The following FHIP2A variants were observed in gnomAD, a reference collection of about 807,000 sequenced individuals.
The protein encoded by FHIP2A is FHF complex subunit HOOK interacting protein 2A, also known as family with sequence similarity 160 member B1.
Under a neutral mutation model 93.5 loss-of-function variants are expected in FHIP2A, and 46 were observed. That is an observed-to-expected ratio of 0.49 (90% CI 0.39 to 0.63). The LOEUF (loss-of-function observed/expected upper bound fraction) is 0.63. FHIP2A is among the 20% of genes least tolerant of loss of function. The pLI is 0.00. For missense variants in FHIP2A, 769 were observed against 909.7 expected (o/e 0.85, Z 1.99); for synonymous variants, 332 against 326.5 (o/e 1.02, Z -0.18).
At chr10:114,894,695 T>A (rs2083991953) in intron 16 of FHIP2A, among the ~76,000 whole-genome samples, 1 of 152,210 alleles carries the variant, frequency 6.6e-6, no homozygotes, top group African/African-American at 2.4e-5. Flanking sequence ...TGTTCAAAGC[T>A]TATTATTAGT....
intron 12 of FHIP2A, among the ~76,000 whole-genome samples, chr10:114,848,096 G>A (rs1385148293): frequency 3.3e-5 from 5 of 151,970 alleles, no homozygotes; most frequent in Non-Finnish European, 7.4e-5. Context: ...GTTAGTTCGT[G>A]GTTTTATGTT....
chr10:114,855,411 G>T, intron 14 of FHIP2A, 71 bp downstream of exon 14: 1 of 1,275,106 alleles, frequency 7.8e-7, no homozygotes. Context: ...TCAAGTCTTA[G>T]TAGATCTTCA....
chr10:114,835,997 T>G (rs1347105387), intron 4 of FHIP2A, 127 bp from the exon 5 acceptor site: 1 of 627,208 alleles, frequency 1.6e-6, no homozygotes, highest in Non-Finnish European at 2.6e-6. Flanking sequence ...TCATTAGTGT[T>G]CTGATTAATG....
downstream of FHIP2A, among the ~76,000 whole-genome samples, chr10:114,868,626 C>T (rs962910044): frequency 1.3e-5 from 2 of 151,986 alleles, no homozygotes; most frequent in Non-Finnish European, 1.5e-5. Context: ...AGAACCACAA[C>T]CTTACATGAA....
chr10:114,884,650 C>T (rs541204738), intron 16 of FHIP2A, among the ~76,000 whole-genome samples: 165 of 152,094 alleles, frequency 1.1e-3, no homozygotes, highest in African/African-American at 3.5e-3. Context: ...CGGTGGCTCA[C>T]GCCTGTAATC....
At chr10:114,884,999 A>G (rs1157742119) in intron 16 of FHIP2A, among the ~76,000 whole-genome samples, 2 of 152,022 alleles carry the variant, frequency 1.3e-5, no homozygotes. Flanking sequence ...AGCTGCCATT[A>G]TCATCATTTT....
chr10:114,840,853 A>G (rs946871907), intron 5 of FHIP2A, among the ~76,000 whole-genome samples: 1 of 152,160 alleles, frequency 6.6e-6, no homozygotes, highest in African/African-American at 2.4e-5. Context: ...ATTAGCAGGT[A>G]TTCGGTATTG....
At chr10:114,846,785 C>A in intron 11 of FHIP2A, 57 bp downstream of exon 11, 2 of 1,431,050 alleles carry the variant, frequency 1.4e-6, no homozygotes, top group Non-Finnish European at 1.9e-6. Flanking sequence ...AGAACTTTCT[C>A]TCTCCTCTTA....
At chr10:114,845,171 C>T (rs2083693182) in intron 7 of FHIP2A, among the ~76,000 whole-genome samples, 196 bp from the exon 8 acceptor site, 1 of 152,164 alleles carries the variant, frequency 6.6e-6, no homozygotes. Flanking sequence ...AAATTATTTA[C>T]AGCTCTTATT....
At chr10:114,829,014 T>A (rs1339931567) in intron 1 of FHIP2A, among the ~76,000 whole-genome samples, 2 of 152,196 alleles carry the variant, frequency 1.3e-5, no homozygotes, top group African/African-American at 4.8e-5. Flanking sequence ...TTGCCAGCTC[T>A]GAGGTGGATG....
chr10:114,834,846 G>C (rs1236340042), intron 3 of FHIP2A, among the ~76,000 whole-genome samples: 5 of 152,058 alleles, frequency 3.3e-5, no homozygotes, highest in African/African-American at 1.2e-4. Flanking sequence ...TCCACATATA[G>C]GCAGAATTTT....
At chr10:114,876,217 C>T (rs1247389250) in intron 16 of FHIP2A, among the ~76,000 whole-genome samples, 3 of 152,198 alleles carry the variant, frequency 2.0e-5, no homozygotes, top group Non-Finnish European at 2.9e-5. Flanking sequence ...CTGACTCCAA[C>T]CCTTTCCTCA....
Position 114,835,341 on chromosome 10 carries a change from A to G in FHIP2A, c.295-196A>G, listed in dbSNP as rs12268399. Among the ~76,000 whole-genome samples, 151 of 152,310 alleles carry G rather than the reference A, an allele frequency of 9.9e-4. 2 individuals carry two copies. Among genetic ancestry groups the G allele is most frequent in the African/African-American group, 3.5e-3 (147 of 41,570 alleles). On this transcript the variant is annotated intron_variant, in intron 3 of 16. Coordinates refer to ENST00000369248, the MANE Select transcript of FHIP2A (RefSeq NM_020940.4). ...GCTGTGTTATGGTCTCAGATATACAATATTATTTCTAGAATACCTGTCATT... is the reference window on the plus strand; with the variant it reads ...GCTGTGTTATGGTCTCAGATATACAGTATTATTTCTAGAATACCTGTCATT...
At chr10:114,837,907 A>G (rs1423376621) in intron 5 of FHIP2A, among the ~76,000 whole-genome samples, 1 of 152,206 alleles carries the variant, frequency 6.6e-6, no homozygotes, top group Non-Finnish European at 1.5e-5. Context: ...TTGTTTATCC[A>G]TACACCAGTG....
rs572277930 is a variant in FHIP2A at position 114,878,596 on chromosome 10, T to C, written c.2192+17262T>C. On this transcript the variant is annotated intron_variant, in intron 16 of 16. Coordinates refer to the FHIP2A transcript ENST00000369250. ...GAGTTCAAGACCAGCCTGGCCAACA[T>C]GGCGAAACCCCGTCTCTACTAAAAA... Among the ~76,000 whole-genome samples the C allele has an allele frequency of 9.7e-4, 147 of 152,146 alleles. No individual in the cohort carries two copies. In the South Asian group the frequency reaches 0.014, roughly 14 times the overall value.
intron 16 of FHIP2A, among the ~76,000 whole-genome samples, chr10:114,875,030 T>C (rs2143014499): frequency 6.6e-6 from 1 of 152,370 alleles, no homozygotes; most frequent in South Asian, 2.1e-4. Context: ...CATCTTCAGC[T>C]GTATCTTGAA....
intron 16 of FHIP2A, among the ~76,000 whole-genome samples, chr10:114,880,358 A>T (rs1224448526): frequency 6.6e-6 from 1 of 152,222 alleles, no homozygotes; most frequent in African/African-American, 2.4e-5. Context: ...ATTGTATAGT[A>T]TGTGAATTAC....
chr10:114,889,592 AG>A (rs2083960394), intron 16 of FHIP2A, among the ~76,000 whole-genome samples: 1 of 152,174 alleles, frequency 6.6e-6, no homozygotes, highest in Non-Finnish European at 1.5e-5. Flanking sequence ...CTGGTGGTTA[AG>A]CCACCTTACC....
At position 114,831,008 on chromosome 10, in the gene FHIP2A, A is replaced by G. The variant is rs1404419429; in HGVS notation, c.124+78A>G. On this transcript the variant is annotated intron_variant, in intron 2 of 16. Transcript: ENST00000369248. The stretch of plus-strand genomic sequence containing the variant: ...TTTGTGAAATACTAAAATATTTTTA[A>G]GTAAGTCTCCAAAGTTATTTTATAT... 5.3e-6 allele frequency: 4 copies of G among 756,518 alleles called. No homozygotes were observed. In the East Asian group the frequency reaches 8.2e-5, roughly 16 times the overall value. 46.9% of individuals were successfully genotyped at this position (756,518 alleles called of 1,614,324 possible).
Sources: gnomAD v4.1 joint callset for allele counts (sites outside exome capture counted in the v4.1 genomes callset) on GRCh38, gnomAD v4.1.1 for gene constraint, MANE v1.5 for transcripts, NCBI Gene and HGNC (gene_info 2026-07-23, HGNC 2026-07-21) for gene names.